Variants in GLUD1 observed in about 807,000 individuals in gnomAD.
The protein encoded by GLUD1 is glutamate dehydrogenase 1, mitochondrial.
A neutral mutation model predicts 56.0 loss-of-function variants in GLUD1; 22 were observed. The observed-to-expected ratio is 0.39, with a 90% CI of 0.28 to 0.56. The LOEUF is 0.56. GLUD1 is among the 20% of genes least tolerant of loss of function. The pLI is 0.58. For synonymous variants in GLUD1, 223 were observed against 269.9 expected, an observed-to-expected ratio of 0.83 and a Z score of 1.70; for missense variants, 451 against 732.0, an observed-to-expected ratio of 0.62 and a Z score of 4.43.
chr10:87,078,322 C>T (rs937706306), intron 1 of GLUD1, among the ~76,000 whole-genome samples: 32 of 152,300 alleles, frequency 2.1e-4, no homozygotes, highest in African/African-American at 7.5e-4. Context: ...TCATTCAGGT[C>T]TCTGTTAAAA....
chr10:87,066,377 A>G (rs1300818757), intron 5 of GLUD1, among the ~76,000 whole-genome samples: 1 of 152,142 alleles, frequency 6.6e-6, no homozygotes, highest in Non-Finnish European at 1.5e-5. Flanking sequence ...CTGTGTTTTC[A>G]GGACAAAGAC....
chr10:87,060,428 G>GTT, intron 8 of GLUD1, 187 bp from the exon 9 acceptor site: 3 of 550,052 alleles, frequency 5.5e-6, no homozygotes, highest in Non-Finnish European at 9.5e-6. Context: ...ATTTATCTAG[G>GTT]TTTTTTTTTT....
At chr10:87,089,817 G>T in intron 1 of GLUD1, 2 of 587,516 alleles carry the variant, frequency 3.4e-6, no homozygotes, top group Non-Finnish European at 4.3e-6. Flanking sequence ...TGATTCATTT[G>T]AATAACTAGT....
intron 4 of GLUD1, 31 bp downstream of exon 4, chr10:87,074,519 CT>C: frequency 7.4e-7 from 1 of 1,346,212 alleles, no homozygotes; most frequent in Non-Finnish European, 1.1e-6. Context: ...GATGTTCCCA[CT>C]TTATACCAAA....
At chr10:87,074,784 G>C (rs910671043) in intron 3 of GLUD1, among the ~76,000 whole-genome samples, 170 bp from the exon 4 acceptor site, 10 of 152,060 alleles carry the variant, frequency 6.6e-5, no homozygotes, top group African/African-American at 2.4e-4. Flanking sequence ...CAAAATAAGG[G>C]ATCAAAAAAG....
chr10:87,058,289 A>T (rs1845840022), intron 10 of GLUD1, among the ~76,000 whole-genome samples: 1 of 152,176 alleles, frequency 6.6e-6, no homozygotes, highest in Non-Finnish European at 1.5e-5. Context: ...TTTCCATAAC[A>T]CCCATTACCA....
At chr10:87,072,865 A>G (rs1589369846) in intron 4 of GLUD1, among the ~76,000 whole-genome samples, 2 of 152,234 alleles carry the variant, frequency 1.3e-5, no homozygotes, top group East Asian at 3.8e-4. Flanking sequence ...GATGACTTCA[A>G]TTCACCATAT....
chr10:87,073,392 G>T (rs1846293947), intron 4 of GLUD1, among the ~76,000 whole-genome samples: 1 of 152,008 alleles, frequency 6.6e-6, no homozygotes, highest in African/African-American at 2.4e-5. Flanking sequence ...GGGCTCAAGT[G>T]ATCCTCCCAC....
chr10:87,050,947 T>G lies in GLUD1; in HGVS notation c.*804A>C, dbSNP rs1845616322. 6.6e-6 allele frequency: 1 copy of G among 152,480 alleles called. No homozygotes were observed. The highest frequency in any genetic ancestry group is 2.4e-5 in the African/African-American group (1 of 41,456). The allele number at this position is 152,480 out of a possible 1,614,324, so 9.4% of individuals were successfully genotyped here. A position where few individuals can be genotyped will look rare whatever the true frequency, so the allele number is the denominator to read the frequency against. Reference sequence around the variant, plus strand: ...TGCATTCTTTGGACTGTATCATAATTATAGTAAGCAAATTCTGACAGTTTT... The same window carrying G: ...TGCATTCTTTGGACTGTATCATAATGATAGTAAGCAAATTCTGACAGTTTT... On this transcript the variant is annotated 3_prime_UTR_variant, in exon 13 of 13. Coordinates refer to ENST00000277865, the MANE Select transcript of GLUD1 (RefSeq NM_005271.5).
chr10:87,074,682 A>G (rs957007445), intron 3 of GLUD1, 68 bp from the exon 4 acceptor site: 15 of 871,528 alleles, frequency 1.7e-5, no homozygotes, highest in Non-Finnish European at 3.0e-5. Flanking sequence ...TATAGCTAGC[A>G]TCTTATTTTC....
At chr10:87,090,524 C>G (rs4244974) in intron 1 of GLUD1, among the ~76,000 whole-genome samples, 102,947 of 152,052 alleles carry the variant, frequency 0.68, 35,515 homozygotes, top group East Asian at 0.84. Flanking sequence ...CATTACCAAG[C>G]GTCTTCATTT....
intron 1 of GLUD1, among the ~76,000 whole-genome samples, chr10:87,078,587 G>A (rs544772754): frequency 1.2e-4 from 18 of 152,204 alleles, no homozygotes; most frequent in Admixed American, 9.2e-4. Context: ...AATACATGCC[G>A]AATTAATATA....
intron 1 of GLUD1, among the ~76,000 whole-genome samples, chr10:87,085,705 G>A (rs1217754204): frequency 6.6e-6 from 1 of 152,190 alleles, no homozygotes; most frequent in Admixed American, 6.5e-5. Flanking sequence ...CCTTAGGGGT[G>A]ACTATTCTTA....
Position 87,094,534 on chromosome 10 carries a change from C to A in GLUD1, c.236G>T (p.Ser79Ile). 1 of 1,612,730 alleles carries A rather than the reference C, an allele frequency of 6.2e-7. No individual in the cohort carries two copies. The highest frequency in any genetic ancestry group is 1.1e-5 in the South Asian group (1 of 91,022). The change falls in exon 1 of 13, where the codon AGC becomes ATC. Residue 79 changes from serine to isoleucine, a missense_variant. Coordinates refer to ENST00000277865, the MANE Select transcript of GLUD1 (RefSeq NM_005271.5). The surrounding 1 kb of genome is among the most constrained non-coding windows in gnomAD (Gnocchi z 6.6). The part of the protein sequence containing the change: ...MVEGFFDRGA[S>I]IVEDKLVEDL... ...CTCCACCAGCTTGTCCTCCACGATG[C>A]TGGCGCCGCGATCGAAGAAGCCCTC...
intron 11 of GLUD1, among the ~76,000 whole-genome samples, chr10:87,056,951 T>C (rs1281941758): frequency 6.6e-6 from 1 of 150,938 alleles, no homozygotes; most frequent in African/African-American, 2.4e-5. Flanking sequence ...TAAAGAAGTT[T>C]CCCTCCCTCC....
At chr10:87,081,319 A>T (rs1370305592) in intron 1 of GLUD1, among the ~76,000 whole-genome samples, 3 of 130,956 alleles carry the variant, frequency 2.3e-5, no homozygotes, top group Non-Finnish European at 3.2e-5. Context: ...TCCGGGAGGG[A>T]GGTGGGGGGG....
intron 1 of GLUD1, 45 bp from the exon 2 acceptor site, chr10:87,076,701 AG>A (rs1374308542): frequency 9.3e-7 from 1 of 1,071,638 alleles, no homozygotes; most frequent in East Asian, 2.4e-5. Context: ...GTGAGAAAGA[AG>A]GGGTTATATT....
chr10:87,053,848 G>A (rs922650081), intron 11 of GLUD1, among the ~76,000 whole-genome samples: 40 of 152,202 alleles, frequency 2.6e-4, no homozygotes, highest in African/African-American at 8.9e-4. Context: ...ACCCCATAGC[G>A]GCTTTGGGGT....
At chr10:87,093,371 T>C (rs556460517) in intron 1 of GLUD1, among the ~76,000 whole-genome samples, 1 of 152,326 alleles carries the variant, frequency 6.6e-6, no homozygotes, top group African/African-American at 2.4e-5. Context: ...TTCCATTTTA[T>C]GTTACTAAAG....
Sources: gnomAD v4.1 joint callset for allele counts (sites outside exome capture counted in the v4.1 genomes callset) on GRCh38, gnomAD v4.1.1 for gene constraint, Gnocchi (gnomAD v3.1) non-coding constraint, MANE v1.5 for transcripts, NCBI Gene and HGNC (gene_info 2026-07-23, HGNC 2026-07-21) for gene names.